GTF2A1L: variants seen among roughly 807,000 people sequenced by gnomAD.
GTF2A1L encodes TFIIA-alpha and beta-like factor.
A neutral mutation model predicts 49.7 loss-of-function variants in GTF2A1L; 48 were observed. The ratio of observed to expected loss-of-function variants is 0.97; its 90% CI spans 0.77 to 1.23. GTF2A1L has a LOEUF of 1.23. GTF2A1L is among the 50% of genes most tolerant of loss of function. The probability of loss-of-function intolerance (pLI) is 0.00; values close to 1 mark genes in which losing one functional copy is unlikely to be tolerated. For synonymous variants in GTF2A1L, 246 were observed against 193.5 expected (o/e 1.27, Z -2.25); for missense variants, 736 against 564.8 (o/e 1.30, Z -3.07).
At chr2:48,678,585 T>A (rs1175695894) in intron 8 of GTF2A1L, among the ~76,000 whole-genome samples, 1 of 152,058 alleles carries the variant, frequency 6.6e-6, no homozygotes, top group African/African-American at 2.4e-5. Context: ...GAGGTAGCAA[T>A]GATTTTATGG....
intron 3 of GTF2A1L, among the ~76,000 whole-genome samples, chr2:48,629,531 C>G (rs1475816055): frequency 7.0e-6 from 1 of 143,644 alleles, no homozygotes; most frequent in Non-Finnish European, 1.6e-5. Flanking sequence ...GCTGGGTCCC[C>G]AGGCTTGGTC....
At chr2:48,642,558 A>C in intron 4 of GTF2A1L, 101 bp downstream of exon 4, 1 of 1,187,488 alleles carries the variant, frequency 8.4e-7, no homozygotes, top group South Asian at 2.0e-5. Context: ...CCTCCAGTTG[A>C]AAGTGAAAAG....
At chr2:48,671,281 C>T (rs1055499525) in intron 7 of GTF2A1L, among the ~76,000 whole-genome samples, 113 of 152,144 alleles carry the variant, frequency 7.4e-4, no homozygotes, top group African/African-American at 2.6e-3. Context: ...CAGCTCACTG[C>T]AGCCTCAACT....
intron 3 of GTF2A1L, 115 bp downstream of exon 3, chr2:48,621,405 A>G: frequency 7.2e-7 from 1 of 1,397,680 alleles, no homozygotes; most frequent in Non-Finnish European, 9.7e-7. Context: ...TTGGACACCT[A>G]AATCATTTCT....
At chr2:48,634,206 G>T (rs542119961) in intron 3 of GTF2A1L, among the ~76,000 whole-genome samples, 126 of 152,238 alleles carry the variant, frequency 8.3e-4, no homozygotes, top group Admixed American at 2.3e-3. Flanking sequence ...TTCGTCTCCG[G>T]GTTCAAGAGG....
At chr2:48,621,324 A>G in intron 3 of GTF2A1L, 34 bp downstream of exon 3, 3 of 1,613,532 alleles carry the variant, frequency 1.9e-6, no homozygotes, top group Non-Finnish European at 2.5e-6. Context: ...TACTGTTAGT[A>G]TCTTCAGAAC....
At chr2:48,640,041 AAATG>A (rs1162009733) in intron 3 of GTF2A1L, among the ~76,000 whole-genome samples, 1 of 152,156 alleles carries the variant, frequency 6.6e-6, no homozygotes, top group African/African-American at 2.4e-5. Context: ...AAAAAGTAAA[AAATG>A]AACAGATACT....
chr2:48,643,612 G>C (rs1240027060), intron 4 of GTF2A1L, among the ~76,000 whole-genome samples: 1 of 151,722 alleles, frequency 6.6e-6, no homozygotes, highest in Non-Finnish European at 1.5e-5. Flanking sequence ...AAAATGGGCT[G>C]AGCACAGTGG....
intron 6 of GTF2A1L, among the ~76,000 whole-genome samples, chr2:48,648,156 C>G (rs2104208511): frequency 6.6e-6 from 1 of 152,202 alleles, no homozygotes; most frequent in Middle Eastern, 3.4e-3. Context: ...GAAACCTGTT[C>G]AAGATCTCTG....
intron 7 of GTF2A1L, among the ~76,000 whole-genome samples, chr2:48,670,245 T>G (rs1223630921): frequency 6.6e-6 from 1 of 150,518 alleles, no homozygotes; most frequent in Non-Finnish European, 1.5e-5. Context: ...AAAACAAAAA[T>G]TAGCAGGGCA....
chr2:48,670,257 G>A lies in GTF2A1L; in HGVS notation c.1239+275G>A, dbSNP rs564101751. Among the ~76,000 whole-genome samples the A allele has an allele frequency of 3.2e-4, 45 of 139,040 alleles. No individual in the cohort carries two copies. In the South Asian group the frequency reaches 9.2e-3, roughly 28 times the overall value. The allele number at this position is 139,040 out of a possible 152,430, so 91.2% of individuals were successfully genotyped here. ...AATAAAACAAAAATTAGCAGGGCAT[G>A]GTGGCACATGCCTGTAAACCCAGCT... On this transcript the variant is annotated intron_variant, in intron 7 of 8. Coordinates refer to ENST00000403751, the MANE Select transcript of GTF2A1L (RefSeq NM_006872.5).
At chr2:48,666,586 T>G (rs560208349) in intron 6 of GTF2A1L, among the ~76,000 whole-genome samples, 122 of 131,668 alleles carry the variant, frequency 9.3e-4, no homozygotes, top group Admixed American at 1.9e-3. Flanking sequence ...CTTGTCAGGG[T>G]GTGTGTGTGT....
Position 48,644,086 on chromosome 2 carries a change from A to C in GTF2A1L, c.304-947A>C, listed in dbSNP as rs1213822591. ...CTTGAGAGGCTGAGGCAAAAGGATC[A>C]CTTGAGCCTCGTAATTGGAGATTAC... On this transcript the variant is annotated intron_variant, in intron 4 of 8. Coordinates refer to ENST00000403751, the MANE Select transcript of GTF2A1L (RefSeq NM_006872.5). Among the ~76,000 whole-genome samples the C allele has an allele frequency of 2.0e-5, 3 of 152,190 alleles. No homozygotes were observed. The East Asian group carries it at 5.8e-4, about 29-fold the overall frequency.
In GTF2A1L at chr2:48,621,176, A is replaced by T. The variant is rs761096971; in HGVS notation, c.133A>T (p.Thr45Ser). 5.6e-6 allele frequency: 9 copies of T among 1,613,236 alleles called. No homozygotes were observed. The highest frequency in any genetic ancestry group is 7.6e-6 in the Non-Finnish European group (9 of 1,179,794). ...TTTTTCCCCTCTGCAGCTCTGGGAA[A>T]CCAAGGTTTTGCAGTCTAAAGCAAC... is the stretch of plus-strand genomic sequence containing the variant. ...VLKDLKQLWE[T>S]KVLQSKATED... is the part of the protein sequence containing the mutation. The change falls in exon 3 of 9, where the codon ACC (threonine) becomes TCC (serine). Residue 45 changes from threonine to serine, a missense_variant. Transcript: ENST00000403751.
At chr2:48,648,183 G>C (rs1185925586) in intron 6 of GTF2A1L, among the ~76,000 whole-genome samples, 1 of 151,850 alleles carries the variant, frequency 6.6e-6, no homozygotes, top group African/African-American at 2.4e-5. Flanking sequence ...TCTGTTTTTA[G>C]TTTTTCTATA....
At chr2:48,622,703 T>G (rs767265797) in intron 3 of GTF2A1L, among the ~76,000 whole-genome samples, 23 of 152,014 alleles carry the variant, frequency 1.5e-4, no homozygotes, top group Admixed American at 2.6e-4. Context: ...GCGTGGTGGC[T>G]CATGCCTGTA....
chr2:48,665,997 T>C (rs1310961654), intron 6 of GTF2A1L, among the ~76,000 whole-genome samples: 1 of 152,120 alleles, frequency 6.6e-6, no homozygotes, highest in African/African-American at 2.4e-5. Flanking sequence ...TATAAGTATT[T>C]AGGATTGTCA....
chr2:48,661,203 C>G (rs1678471907), intron 6 of GTF2A1L, among the ~76,000 whole-genome samples: 1 of 146,250 alleles, frequency 6.8e-6, no homozygotes, highest in Non-Finnish European at 1.5e-5. Context: ...AAAATGTAAG[C>G]ACTTATACAT....
intron 4 of GTF2A1L, among the ~76,000 whole-genome samples, chr2:48,644,004 A>T (rs1056948831): frequency 2.0e-5 from 3 of 151,900 alleles, no homozygotes; most frequent in African/African-American, 7.3e-5. Flanking sequence ...CGGCCTGTAC[A>T]AAATTTTTTT....
Sources: allele counts gnomAD v4.1 joint callset (sites outside exome capture counted in the v4.1 genomes callset), GRCh38; gene constraint gnomAD v4.1.1; transcripts MANE v1.5; gene names NCBI Gene and HGNC (gene_info 2026-07-23, HGNC 2026-07-21).